Variants in GUCY2C observed in about 807,000 individuals in gnomAD.
GUCY2C encodes guanylate cyclase 2C, also known as guanylyl cyclase C.
Under a neutral mutation model 131.1 loss-of-function variants are expected in GUCY2C, and 118 were observed. That is an observed-to-expected ratio of 0.90 (90% CI 0.78 to 1.05). GUCY2C has a LOEUF of 1.05. Among genes scored for constraint, GUCY2C ranks in the 50% least tolerant of loss-of-function variants. GUCY2C has a pLI of 0.00. For synonymous variants in GUCY2C, 452 were observed against 457.8 expected (o/e 0.99, Z 0.16); for missense variants, 1,161 against 1,304.4 (o/e 0.89, Z 1.69).
At chr12:14,616,382 G>A (rs1178989555) in intron 25 of GUCY2C, among the ~76,000 whole-genome samples, 14 of 152,124 alleles carry the variant, frequency 9.2e-5, no homozygotes. Flanking sequence ...AGGAGGAACT[G>A]GATACAAAAC....
intron 15 of GUCY2C, among the ~76,000 whole-genome samples, chr12:14,649,444 A>C (rs539201343): frequency 1.3e-5 from 2 of 152,202 alleles, no homozygotes; most frequent in Non-Finnish European, 2.9e-5. Flanking sequence ...ACATACTCCA[A>C]ATTCATTTAA....
At chr12:14,635,323 A>C (rs1292339240) in intron 19 of GUCY2C, among the ~76,000 whole-genome samples, 1 of 152,210 alleles carries the variant, frequency 6.6e-6, no homozygotes, top group African/African-American at 2.4e-5. Flanking sequence ...TTTGGAAACT[A>C]CACAAATACA....
At chr12:14,679,530 ATAT>A in intron 6 of GUCY2C, 124 bp downstream of exon 6, 1 of 607,386 alleles carries the variant, frequency 1.6e-6, no homozygotes, top group Middle Eastern at 2.7e-4. Context: ...CAGAGTTCAA[ATAT>A]TATCATCATA....
At chr12:14,675,250 G>A (rs7973515) in intron 7 of GUCY2C, among the ~76,000 whole-genome samples, 118,829 of 137,040 alleles carry the variant, frequency 0.87, 51,067 homozygotes, top group Middle Eastern at 0.94. Context: ...AAGAAAGAAA[G>A]AAAAAAAACT....
intron 20 of GUCY2C, among the ~76,000 whole-genome samples, chr12:14,626,498 A>G (rs1383783319): frequency 6.6e-6 from 1 of 152,252 alleles, no homozygotes; most frequent in Non-Finnish European, 1.5e-5. Flanking sequence ...AAGAATGCAT[A>G]TACCAATCAG....
Position 14,643,582 on chromosome 12 carries a change from G to T in GUCY2C, c.1922C>A (p.Pro641Gln), listed in dbSNP as rs1421089544. The T allele has an allele frequency of 6.2e-7, 1 of 1,608,900 alleles. No homozygotes were observed. Among genetic ancestry groups the T allele is most frequent in the Non-Finnish European group, 8.5e-7 (1 of 1,178,234 alleles). ...TDFGCNSILP[P>Q]KKDLWTAPEH... Reference sequence around the variant, plus strand: ...TTTCATTCATTACAGACCCTTTTTTGGAGGTAAAATGGAATTGCAGCCAAA... The same window carrying T: ...TTTCATTCATTACAGACCCTTTTTTTGAGGTAAAATGGAATTGCAGCCAAA... The change falls in exon 17 of 27, where the codon CCA becomes CAA. Residue 641 changes from proline to glutamine, a missense_variant. Transcript: ENST00000261170.
At chr12:14,639,777 GAA>G in intron 19 of GUCY2C, 83 bp downstream of exon 19, 1 of 870,862 alleles carries the variant, frequency 1.1e-6, no homozygotes. Flanking sequence ...AACCGTAAGT[GAA>G]TAAATTTTTG....
At position 14,688,121 on chromosome 12, in the gene GUCY2C, T is replaced by G. The variant is rs75108711; in HGVS notation, c.218-58A>C. 7.5e-3 allele frequency: 7,849 copies of G among 1,042,956 alleles called. 367 individuals carry two copies. The African/African-American group carries it at 0.11, about 14-fold the overall frequency. The allele number at this position is 1,042,956 out of a possible 1,614,324, so 64.6% of individuals were successfully genotyped here. On this transcript the variant is annotated intron_variant, in intron 1 of 26. Coordinates refer to ENST00000261170, the MANE Select transcript of GUCY2C (RefSeq NM_004963.4). ...TAGTGTTATTTTTCAGTAATTTATA[T>G]CAGCCATGAGATTGATTCTGGGAAA... is the stretch of plus-strand genomic sequence containing the variant.
chr12:14,636,707 C>G (rs749995992), intron 19 of GUCY2C, among the ~76,000 whole-genome samples: 3 of 152,100 alleles, frequency 2.0e-5, no homozygotes, highest in Non-Finnish European at 4.4e-5. Context: ...TCCCTCTTTG[C>G]AGATGATATG....
chr12:14,642,456 C>A (rs1366188338), intron 17 of GUCY2C, among the ~76,000 whole-genome samples: 3 of 152,132 alleles, frequency 2.0e-5, no homozygotes, highest in African/African-American at 7.2e-5. Flanking sequence ...TTGTTAGGTG[C>A]AATAATATGT....
In GUCY2C at chr12:14,640,300, T is replaced by G. The variant is rs113815007; in HGVS notation, c.2069-350A>C. On this transcript the variant is annotated intron_variant, in intron 18 of 26. Coordinates refer to ENST00000261170, the MANE Select transcript of GUCY2C (RefSeq NM_004963.4). ...GGTGAAACCCCGTCTCTACATAAAG[T>G]ACAAAAATTAGCCAGGTGTGGTGGT... 4.8e-3 allele frequency among the ~76,000 whole-genome samples: 721 copies of G among 151,340 alleles called. 7 individuals carry two copies. Among genetic ancestry groups the G allele is most frequent in the African/African-American group, 0.017 (684 of 41,218 alleles).
At chr12:14,633,766 A>G (rs1947203456) in intron 19 of GUCY2C, among the ~76,000 whole-genome samples, 1 of 152,012 alleles carries the variant, frequency 6.6e-6, no homozygotes, top group Non-Finnish European at 1.5e-5. Flanking sequence ...TCAATAAAAC[A>G]CAAGATATAT....
chr12:14,625,688 C>T, intron 21 of GUCY2C, 69 bp downstream of exon 21: 2 of 1,479,082 alleles, frequency 1.4e-6, no homozygotes, highest in Non-Finnish European at 9.3e-7. Context: ...GGAAACAAAT[C>T]CTATATAGAT....
In GUCY2C at chr12:14,645,268, A is replaced by G; in HGVS notation, c.1758T>C (p.Asp586=). 1 of 1,596,274 alleles carries G rather than the reference A, an allele frequency of 6.3e-7. No individual in the cohort carries two copies. Among genetic ancestry groups the G allele is most frequent in the Non-Finnish European group, 8.6e-7 (1 of 1,164,240 alleles). The change falls in exon 16 of 27, where the codon GAT becomes GAC. Residue 586 remains aspartate, a synonymous_variant. Coordinates refer to ENST00000261170, the MANE Select transcript of GUCY2C (RefSeq NM_004963.4). ...TISYPDGTFM[D]WEFKISVLYD... is the part of the protein sequence containing the mutation. ...ACAAGACAGAGATCTTAAACTCCCA[A>G]TCCATGAATGTGCCATCAGGGTAGG...
intron 10 of GUCY2C, among the ~76,000 whole-genome samples, chr12:14,663,940 G>A (rs986392271): frequency 3.3e-5 from 5 of 152,142 alleles, no homozygotes; most frequent in African/African-American, 1.2e-4. Context: ...GCCATTAGGG[G>A]TCTCATGTCA....
chr12:14,670,420 T>A (rs1193279749), intron 9 of GUCY2C, among the ~76,000 whole-genome samples: 1 of 152,234 alleles, frequency 6.6e-6, no homozygotes, highest in African/African-American at 2.4e-5. Context: ...ATAAAAGATT[T>A]CATTTTCAAG....
At position 14,625,846 on chromosome 12, in the gene GUCY2C, T is replaced by A; in HGVS notation, c.2319A>T (p.Arg773=). Residue 773 remains arginine (R), a synonymous_variant, in exon 21 of 27, where the codon CGA becomes CGT. Transcript: ENST00000261170. The part of the protein sequence containing the change: ...TLIRRLQLYS[R]NLEHLVEERT... ...TTTCCTCTACCAGATGTTCCAGGTT[T>A]CGAGAATATAGCTGTAGACGTCGGA... 1 of 1,613,800 alleles carries A rather than the reference T, an allele frequency of 6.2e-7. No individual in the cohort carries two copies. Among genetic ancestry groups the A allele is most frequent in the Non-Finnish European group, 8.5e-7 (1 of 1,179,710 alleles).
At chr12:14,671,963 A>G (rs1433509755) in intron 9 of GUCY2C, among the ~76,000 whole-genome samples, 1 of 152,232 alleles carries the variant, frequency 6.6e-6, no homozygotes, top group Non-Finnish European at 1.5e-5. Context: ...AGCTTTCTCA[A>G]CGTGGACATC....
chr12:14,641,680 G>C (rs1388473677), intron 17 of GUCY2C, among the ~76,000 whole-genome samples: 5 of 152,092 alleles, frequency 3.3e-5, no homozygotes, highest in African/African-American at 1.2e-4. Context: ...GGCTTACGCT[G>C]GTAATCCCAG....
Sources: allele counts gnomAD v4.1 joint callset (sites outside exome capture counted in the v4.1 genomes callset), GRCh38; gene constraint gnomAD v4.1.1; transcripts MANE v1.5; gene names NCBI Gene and HGNC (gene_info 2026-07-23, HGNC 2026-07-21).